Variants in GRIK4 observed in about 807,000 individuals in gnomAD.
GRIK4 encodes glutamate receptor ionotropic, kainate 4.
A neutral mutation model predicts 104.9 loss-of-function variants in GRIK4; 40 were observed. The observed-to-expected ratio is 0.38, with a 90% CI of 0.30 to 0.50. GRIK4 has a LOEUF of 0.50. GRIK4 is among the 20% of genes least tolerant of loss of function. The probability of loss-of-function intolerance (pLI) is 0.93; values close to 1 mark genes in which losing one functional copy is unlikely to be tolerated. For missense variants in GRIK4, 1,047 were observed against 1,308.1 expected, an observed-to-expected ratio of 0.80 and a Z score of 3.08; for synonymous variants, 485 against 524.9, an observed-to-expected ratio of 0.92 and a Z score of 1.04.
chr11:120,896,348 A>G (rs1188499111), intron 11 of GRIK4, among the ~76,000 whole-genome samples: 1 of 152,214 alleles, frequency 6.6e-6, no homozygotes, highest in Non-Finnish European at 1.5e-5. Flanking sequence ...TTATCTGTAA[A>G]ACGGGGCTTG....
rs77545328 is a variant in GRIK4 at position 120,916,853 on chromosome 11, C to T, written c.1476+11360C>T. On this transcript the variant is annotated intron_variant, in intron 13 of 20. Transcript: ENST00000527524. ...CCAAAATCTGAAAAAGTCGGAAATT[C>T]GAAACACTTCTGGTCTCAAGCATTT... 3.9e-3 allele frequency among the ~76,000 whole-genome samples: 588 copies of T among 152,188 alleles called. 2 individuals carry two copies. Among genetic ancestry groups the T allele is most frequent in the African/African-American group, 0.013 (554 of 41,510 alleles).
At position 120,898,609 on chromosome 11, in the gene GRIK4, C is replaced by A; in HGVS notation, c.1242C>A (p.Phe414Leu). 6.2e-7 allele frequency: 1 copy of A among 1,610,588 alleles called. No individual in the cohort carries two copies. The highest frequency in any genetic ancestry group is 8.5e-7 in the Non-Finnish European group (1 of 1,176,772). Reference sequence around the variant, plus strand: ...CCTCCAACATCTCGGACACTCTCTTCAACACCACCCTGGTCGTCACCACCA... The same window carrying A: ...CCTCCAACATCTCGGACACTCTCTTAAACACCACCCTGGTCGTCACCACCA... ...LYASNISDTL[F>L]NTTLVVTTIL... The change falls in exon 12 of 21, where the codon TTC becomes TTA. Residue 414 changes from phenylalanine to leucine, a missense_variant. Physicochemically the swap from Phe to Leu is conservative, Grantham distance 22. Around this residue, in one of 3 missense-constraint regions of GRIK4, gnomAD observed 440 missense variants for 652.3 expected, o/e 0.67. Coordinates refer to ENST00000527524, the MANE Select transcript of GRIK4 (RefSeq NM_014619.5).
intron 3 of GRIK4, among the ~76,000 whole-genome samples, chr11:120,672,458 AT>A (rs1950035650): frequency 6.6e-6 from 1 of 152,098 alleles, no homozygotes; most frequent in Non-Finnish European, 1.5e-5. Flanking sequence ...GTTTTTTCTA[AT>A]TCTGTGAACA....
chr11:120,734,411 A>G (rs1233126188), intron 3 of GRIK4, among the ~76,000 whole-genome samples: 1 of 152,144 alleles, frequency 6.6e-6, no homozygotes, highest in Non-Finnish European at 1.5e-5. Context: ...GCTGCCAGAC[A>G]TATTGGAGCT....
At chr11:120,855,932 G>A (rs1954094763) in intron 8 of GRIK4, among the ~76,000 whole-genome samples, 1 of 152,256 alleles carries the variant, frequency 6.6e-6, no homozygotes, top group Non-Finnish European at 1.5e-5. Context: ...GCCAAACAAA[G>A]AGGAAGAGAA....
At chr11:120,702,761 T>C (rs1950573201) in intron 3 of GRIK4, among the ~76,000 whole-genome samples, 1 of 152,232 alleles carries the variant, frequency 6.6e-6, no homozygotes, top group African/African-American at 2.4e-5. Flanking sequence ...TTTGTTTCAC[T>C]TTGTTTTTAA....
In GRIK4 at chr11:120,905,955, G is replaced by A. The variant is rs938061829; in HGVS notation, c.1476+462G>A. Among the ~76,000 whole-genome samples, 4 of 152,228 alleles carry A rather than the reference G, an allele frequency of 2.6e-5. No individual in the cohort carries two copies. The South Asian group carries it at 8.3e-4, about 32-fold the overall frequency. On this transcript the variant is annotated intron_variant, in intron 13 of 20. Transcript: ENST00000527524. The surrounding 1 kb of genome is among the most constrained non-coding windows in gnomAD (Gnocchi z 5.1). ...GGCAAAGGGATTGACTGGCAGAGGA[G>A]TTGGTCACAGCTACAGTTATTTTCG... is the stretch of plus-strand genomic sequence containing the variant.
At position 120,874,101 on chromosome 11, in the gene GRIK4, T is replaced by C. The variant is rs149282180; in HGVS notation, c.942T>C (p.Ala314=). ...SSALLFDAVY[A]VVTAVQELNR... is the part of the protein sequence containing the mutation. ...CCCTGCTGTTTGATGCTGTCTATGC[T>C]GTGGTGACTGCGGTGCAGGAACTGA... The change falls in exon 10 of 21, where the codon GCT becomes GCC. Residue 314 remains alanine (A), a synonymous_variant. Coordinates refer to ENST00000527524, the MANE Select transcript of GRIK4 (RefSeq NM_014619.5). 3.1e-6 allele frequency: 5 copies of C among 1,613,768 alleles called. No individual in the cohort carries two copies. Among genetic ancestry groups the C allele is most frequent in the East Asian group, 4.5e-5 (2 of 44,890 alleles).
At chr11:120,792,997 C>T (rs1169027755) in intron 3 of GRIK4, among the ~76,000 whole-genome samples, 1 of 152,054 alleles carries the variant, frequency 6.6e-6, no homozygotes, top group Non-Finnish European at 1.5e-5. Flanking sequence ...GAGGAGAACC[C>T]TAGGAGAGTA....
chr11:120,780,601 A>G (rs1316986758), intron 3 of GRIK4, among the ~76,000 whole-genome samples: 3 of 152,226 alleles, frequency 2.0e-5, no homozygotes, highest in African/African-American at 4.8e-5. Context: ...GTGTACAAAT[A>G]TCAATTTGAG....
At chr11:120,665,222 C>A (rs1591783958) in intron 3 of GRIK4, among the ~76,000 whole-genome samples, 1 of 151,830 alleles carries the variant, frequency 6.6e-6, no homozygotes, top group Non-Finnish European at 1.5e-5. Flanking sequence ...CAGCTGAATT[C>A]TTTGCCTTGT....
intron 3 of GRIK4, among the ~76,000 whole-genome samples, chr11:120,668,268 GAA>G (rs1306031266): frequency 6.2e-4 from 77 of 125,138 alleles, no homozygotes; most frequent in African/African-American, 2.2e-3. Flanking sequence ...AAATAAGAAA[GAA>G]AGAAAAAAGA....
intron 9 of GRIK4, chr11:120,868,640 G>C: frequency 6.6e-6 from 1 of 152,084 alleles, no homozygotes; most frequent in Non-Finnish European, 1.5e-5. Context: ...GGAGTGCAGT[G>C]GCACAATCTC....
Position 120,918,472 on chromosome 11 carries a change from G to A in GRIK4, c.1476+12979G>A, listed in dbSNP as rs150481846. 2.5e-3 allele frequency among the ~76,000 whole-genome samples: 380 copies of A among 152,272 alleles called. 2 individuals carry two copies. The highest frequency in any genetic ancestry group is 8.4e-3 in the African/African-American group (347 of 41,548). ...TAGAGTTCACATCCTGTATACATAG[G>A]ACCTCCATGTATGGTTTGTGCAGGT... On this transcript the variant is annotated intron_variant, in intron 13 of 20. Transcript: ENST00000527524.
At chr11:120,850,793 T>A (rs956667233) in intron 8 of GRIK4, among the ~76,000 whole-genome samples, 2 of 126,726 alleles carry the variant, frequency 1.6e-5, no homozygotes, top group African/African-American at 6.6e-5. Flanking sequence ...TTATGGCAAA[T>A]CACATTATTA....
At chr11:120,752,267 G>C (rs570876004) in intron 3 of GRIK4, among the ~76,000 whole-genome samples, 1 of 152,356 alleles carries the variant, frequency 6.6e-6, no homozygotes, top group South Asian at 2.1e-4. Flanking sequence ...TTTTTAGGAA[G>C]AGATCCCTGC....
At chr11:120,536,607 T>C (rs552976348) in intron 1 of GRIK4, among the ~76,000 whole-genome samples, 1 of 152,312 alleles carries the variant, frequency 6.6e-6, no homozygotes, top group South Asian at 2.1e-4. Flanking sequence ...TTTGGGTCTC[T>C]GGTGCCAGAG....
At chr11:120,971,903 T>A (rs942855091) in intron 19 of GRIK4, among the ~76,000 whole-genome samples, 4 of 152,166 alleles carry the variant, frequency 2.6e-5, no homozygotes, top group African/African-American at 9.7e-5. Flanking sequence ...GTAAAGGTAC[T>A]TGGACTGCAA....
chr11:120,878,086 A>G (rs1208619302), intron 11 of GRIK4, among the ~76,000 whole-genome samples: 2 of 152,238 alleles, frequency 1.3e-5, no homozygotes, highest in Admixed American at 6.5e-5. Flanking sequence ...CAGCGTCATC[A>G]GCCCCCAGGG....
Sources: gnomAD v4.1 joint callset for allele counts (sites outside exome capture counted in the v4.1 genomes callset) on GRCh38, gnomAD v4.1.1 for gene constraint, gnomAD v4.1.1 regional missense constraint, Gnocchi (gnomAD v3.1) non-coding constraint, MANE v1.5 for transcripts, NCBI Gene and HGNC (gene_info 2026-07-23, HGNC 2026-07-21) for gene names.